The following COLEC11 variants were observed in gnomAD, a reference collection of about 807,000 sequenced individuals.
The protein encoded by COLEC11 is collectin subfamily member 11, also known as collectin-11.
COLEC11 carries 20 observed loss-of-function variants against 27.3 expected under a neutral mutation model. That is an observed-to-expected ratio of 0.73 (90% confidence interval 0.51 to 1.06). The LOEUF (loss-of-function observed/expected upper bound fraction) is 1.06, where lower values mean the gene tolerates loss of function less well. COLEC11 is among the 50% of genes least tolerant of loss of function. COLEC11 has a pLI of 0.00. For synonymous variants in COLEC11, 163 were observed against 154.7 expected (o/e 1.05, Z -0.40); for missense variants, 310 against 383.0 (o/e 0.81, Z 1.59).
chr2:3,596,626 T>G (rs551985558), intron 1 of COLEC11, among the ~76,000 whole-genome samples: 67 of 152,302 alleles, frequency 4.4e-4, no homozygotes, highest in African/African-American at 1.6e-3. Context: ...CATGAGCCAC[T>G]GGGCCTGGCC....
At position 3,597,363 on chromosome 2, in the gene COLEC11, C is replaced by T. The variant is rs1452930739; in HGVS notation, c.-27+2195C>T. ...TGAATGGAGTGAAGGCATGAGAAATCCCACCTGGGCTGCTCCGGGGTCAGC... is the reference window on the plus strand; with the variant it reads ...TGAATGGAGTGAAGGCATGAGAAATTCCACCTGGGCTGCTCCGGGGTCAGC... On this transcript the variant is annotated intron_variant, in intron 1 of 6. Coordinates refer to ENST00000349077, the MANE Select transcript of COLEC11 (RefSeq NM_024027.5). Among the ~76,000 whole-genome samples, 3 of 151,064 alleles carry T rather than the reference C, an allele frequency of 2.0e-5. No homozygotes were observed. In the East Asian group the frequency reaches 5.9e-4, roughly 30 times the overall value.
intron 2 of COLEC11, chr2:3,605,213 T>A: frequency 2.4e-6 from 1 of 421,862 alleles, no homozygotes; most frequent in Non-Finnish European, 4.9e-6. Context: ...GACAGCAGAG[T>A]GTGTGCCAGT....
intron 4 of COLEC11, 30 bp downstream of exon 4, chr2:3,637,634 C>G: frequency 6.4e-7 from 1 of 1,552,776 alleles, no homozygotes; most frequent in Non-Finnish European, 8.9e-7. Flanking sequence ...TGCCTCATTT[C>G]CCCCCTGCCC....
At chr2:3,627,927 C>G (rs1664681175) in intron 3 of COLEC11, among the ~76,000 whole-genome samples, 1 of 152,164 alleles carries the variant, frequency 6.6e-6, no homozygotes, top group African/African-American at 2.4e-5. Flanking sequence ...AAGAGCGGGA[C>G]CTGGGTGTGA....
chr2:3,627,914 G>C (rs1664680120), intron 3 of COLEC11, among the ~76,000 whole-genome samples: 2 of 152,244 alleles, frequency 1.3e-5, no homozygotes, highest in African/African-American at 4.8e-5. Flanking sequence ...GAGCATCCCT[G>C]GGAAGAGCGG....
chr2:3,600,972 C>T (rs1297524361), intron 1 of COLEC11, among the ~76,000 whole-genome samples: 2 of 152,244 alleles, frequency 1.3e-5, no homozygotes, highest in Non-Finnish European at 2.9e-5. Context: ...GGCGGGCTCC[C>T]ATCCACGCCC....
intron 3 of COLEC11, among the ~76,000 whole-genome samples, chr2:3,618,391 G>GACAAAAAAAC (rs1663939687): frequency 6.6e-6 from 1 of 151,764 alleles, no homozygotes; most frequent in Admixed American, 6.5e-5. Flanking sequence ...CAAGGATTCA[G>GACAAAAAAAC]TTTTGTTTTT....
intron 3 of COLEC11, 34 bp downstream of exon 3, chr2:3,613,416 T>C (rs1180102691): frequency 1.3e-6 from 2 of 1,558,776 alleles, no homozygotes; most frequent in Admixed American, 1.9e-5. Context: ...CTCAGAGCTC[T>C]GAGGATGGAG....
chr2:3,612,276 G>T (rs1663266544), intron 2 of COLEC11, among the ~76,000 whole-genome samples: 1 of 152,072 alleles, frequency 6.6e-6, no homozygotes, highest in African/African-American at 2.4e-5. Context: ...GCACACACAT[G>T]CACACACACT....
rs375187752 is a variant in COLEC11 at position 3,607,598 on chromosome 2, C to T, written c.130+3128C>T. 2.6e-5 allele frequency among the ~76,000 whole-genome samples: 4 copies of T among 151,950 alleles called. No individual in the cohort carries two copies. The East Asian group carries it at 5.8e-4, about 22-fold the overall frequency. Reference sequence around the variant, plus strand: ...AAGTAGCTGGGACTATAGGCGCGCACCATCAACGCCCGGCTAATTTTTGTA... The same window carrying T: ...AAGTAGCTGGGACTATAGGCGCGCATCATCAACGCCCGGCTAATTTTTGTA... On this transcript the variant is annotated intron_variant, in intron 2 of 6. Transcript: ENST00000349077.
chr2:3,621,306 CAT>C (rs1182255715), intron 3 of COLEC11, among the ~76,000 whole-genome samples: 2 of 152,170 alleles, frequency 1.3e-5, no homozygotes. Context: ...CAGTTTTTGA[CAT>C]AGTCTATTTT....
chr2:3,624,620 A>G (rs1416972748), intron 3 of COLEC11, among the ~76,000 whole-genome samples: 1 of 152,194 alleles, frequency 6.6e-6, no homozygotes, highest in African/African-American at 2.4e-5. Flanking sequence ...CTCAGCTCAC[A>G]GTTGCTCAGC....
intron 3 of COLEC11, among the ~76,000 whole-genome samples, chr2:3,633,967 G>A (rs890627913): frequency 3.3e-5 from 5 of 152,184 alleles, no homozygotes; most frequent in Non-Finnish European, 7.3e-5. Flanking sequence ...GACCCTCTGC[G>A]GGAGGCCGAG....
rs550672045 is a variant in COLEC11 at position 3,637,696 on chromosome 2, G to A, written c.274+92G>A. 35 of 1,003,174 alleles carry A rather than the reference G, an allele frequency of 3.5e-5. No homozygotes were observed. The South Asian group carries it at 3.9e-4, about 11-fold the overall frequency. 62.1% of individuals were successfully genotyped at this position (1,003,174 alleles called of 1,614,324 possible). Reference sequence around the variant, plus strand: ...GAATAATTGTAGCCTGAATTGTCTCGTCTGGTGCTCTTATTTATATTCGGT... The same window carrying A: ...GAATAATTGTAGCCTGAATTGTCTCATCTGGTGCTCTTATTTATATTCGGT... On this transcript the variant is annotated intron_variant, in intron 4 of 6. Coordinates refer to ENST00000349077, the MANE Select transcript of COLEC11 (RefSeq NM_024027.5).
chr2:3,617,572 C>G, intron 3 of COLEC11: 1 of 1,606,980 alleles, frequency 6.2e-7, no homozygotes. Context: ...CTTGCTTCTC[C>G]TGTTCAGTCG....
rs1462657609 is a variant in COLEC11 at position 3,641,433 on chromosome 2, G to A, written c.328+1102G>A. ...CTCTGGGAGACAGAAGGACCTGGAGGCAGGTGACGGCGGGGCAAGGAGAGG... is the reference window on the plus strand; with the variant it reads ...CTCTGGGAGACAGAAGGACCTGGAGACAGGTGACGGCGGGGCAAGGAGAGG... On this transcript the variant is annotated intron_variant, in intron 5 of 6. Coordinates refer to ENST00000349077, the MANE Select transcript of COLEC11 (RefSeq NM_024027.5). 2.3e-6 allele frequency: 3 copies of A among 1,282,382 alleles called. No individual in the cohort carries two copies. In the South Asian group the frequency reaches 3.8e-5, roughly 16 times the overall value. The allele number at this position is 1,282,382 out of a possible 1,614,324, so 79.4% of individuals were successfully genotyped here.
chr2:3,641,434 C>G (rs1665861606), intron 5 of COLEC11: 3 of 1,281,854 alleles, frequency 2.3e-6, no homozygotes, highest in Non-Finnish European at 3.1e-6. Context: ...GACCTGGAGG[C>G]AGGTGACGGC....
At chr2:3,620,970 A>ATGT (rs1336690613) in intron 3 of COLEC11, among the ~76,000 whole-genome samples, 1 of 152,222 alleles carries the variant, frequency 6.6e-6, no homozygotes, top group Non-Finnish European at 1.5e-5. Context: ...ATCTCAAAGA[A>ATGT]TGTTCCGTGT....
chr2:3,628,640 T>A (rs920250841), intron 3 of COLEC11, among the ~76,000 whole-genome samples: 6 of 152,068 alleles, frequency 3.9e-5, no homozygotes, highest in African/African-American at 1.2e-4. Context: ...TTCGAGGAGG[T>A]GGTGCGGTTG....
Sources: gnomAD v4.1 joint callset for allele counts (sites outside exome capture counted in the v4.1 genomes callset) on GRCh38, gnomAD v4.1.1 for gene constraint, MANE v1.5 for transcripts, NCBI Gene and HGNC (gene_info 2026-07-23, HGNC 2026-07-21) for gene names.